Variants in LYPLAL1 observed in about 807,000 individuals in gnomAD.
The protein encoded by LYPLAL1 is lysophospholipase-like protein 1.
Under a neutral mutation model 19.7 loss-of-function variants are expected in LYPLAL1, and 23 were observed. That is an observed-to-expected ratio of 1.17 (90% CI 0.84 to 1.65). The LOEUF is 1.65. Among genes scored for constraint, LYPLAL1 ranks in the 40% most tolerant of loss-of-function variants. The pLI is 0.00. For synonymous variants in LYPLAL1, 119 were observed against 96.3 expected, an observed-to-expected ratio of 1.24 and a Z score of -1.38; for missense variants, 355 against 279.4, an observed-to-expected ratio of 1.27 and a Z score of -1.93.
the LYPLAL1 span, among the ~76,000 whole-genome samples, chr1:219,328,834 T>G: frequency 2.0e-5 from 3 of 152,324 alleles, no homozygotes; most frequent in African/African-American, 7.2e-5. Flanking sequence ...TCCACCATTC[T>G]AAGTTTGAAT....
At chr1:219,297,652 CA>C in the LYPLAL1 span, among the ~76,000 whole-genome samples, 1 of 152,100 alleles carries the variant, frequency 6.6e-6, no homozygotes, top group Non-Finnish European at 1.5e-5. Context: ...GGTATTGATT[CA>C]AAAACATTTT....
chr1:219,366,514 T>G, the LYPLAL1 span, among the ~76,000 whole-genome samples: 1 of 152,236 alleles, frequency 6.6e-6, no homozygotes, highest in South Asian at 2.1e-4. Flanking sequence ...TCCATCTGTC[T>G]TCATTGTCTG....
the LYPLAL1 span, among the ~76,000 whole-genome samples, chr1:219,226,332 T>G: frequency 6.6e-6 from 1 of 152,240 alleles, no homozygotes. Context: ...CCTCTGTTTT[T>G]TGCCTTTGTT....
the LYPLAL1 span, among the ~76,000 whole-genome samples, chr1:219,344,932 GCTT>G: frequency 6.6e-6 from 1 of 151,902 alleles, no homozygotes; most frequent in African/African-American, 2.4e-5. Flanking sequence ...TTCTGAGATG[GCTT>G]CTTAACATCT....
chr1:219,227,433 A>G, the LYPLAL1 span, among the ~76,000 whole-genome samples: 9 of 152,180 alleles, frequency 5.9e-5, no homozygotes, highest in Non-Finnish European at 7.4e-5. Context: ...TCCTACTTAT[A>G]AGTATTAACA....
intron 2 of LYPLAL1, among the ~76,000 whole-genome samples, chr1:219,182,838 C>G (rs952009677): frequency 6.6e-6 from 1 of 151,926 alleles, no homozygotes; most frequent in Non-Finnish European, 1.5e-5. Context: ...AAATGATATT[C>G]AGGGTTTACC....
the LYPLAL1 span, among the ~76,000 whole-genome samples, chr1:219,444,506 A>G: frequency 1.3e-5 from 2 of 152,238 alleles, no homozygotes; most frequent in East Asian, 3.8e-4. Flanking sequence ...GAAGGAAAAA[A>G]ATAAAAGCAA....
the LYPLAL1 span, among the ~76,000 whole-genome samples, chr1:219,221,509 T>C: frequency 6.6e-6 from 1 of 152,180 alleles, no homozygotes. Flanking sequence ...AACTGAAATA[T>C]CAAGTCAAAG....
At chr1:219,429,077 T>A in the LYPLAL1 span, among the ~76,000 whole-genome samples, 1 of 152,192 alleles carries the variant, frequency 6.6e-6, no homozygotes, top group Admixed American at 6.5e-5. Context: ...TGTTGCTTAG[T>A]GGGACTCTTC....
the LYPLAL1 span, among the ~76,000 whole-genome samples, chr1:219,388,271 A>G: frequency 1.3e-5 from 2 of 152,128 alleles, no homozygotes; most frequent in Admixed American, 1.3e-4. Context: ...GAAGAAAATT[A>G]CTATTAAAAA....
chr1:219,181,675 G>A (rs975967073), intron 2 of LYPLAL1, among the ~76,000 whole-genome samples: 9 of 152,104 alleles, frequency 5.9e-5, no homozygotes, highest in South Asian at 2.1e-4. Context: ...TTCCATGGGC[G>A]TTAGATATAG....
chr1:219,444,121 A>G, the LYPLAL1 span, among the ~76,000 whole-genome samples: 3 of 152,156 alleles, frequency 2.0e-5, no homozygotes, highest in Non-Finnish European at 4.4e-5. Flanking sequence ...CTTAAATGAC[A>G]TTATTCAAGG....
chr1:219,332,295 C>T, the LYPLAL1 span, among the ~76,000 whole-genome samples: 2 of 152,204 alleles, frequency 1.3e-5, no homozygotes, highest in East Asian at 1.9e-4. Flanking sequence ...ACCCCAGACA[C>T]GTAACACTAG....
chr1:219,360,686 G>C, the LYPLAL1 span, among the ~76,000 whole-genome samples: 722 of 152,220 alleles, frequency 4.7e-3, 6 homozygotes, highest in Middle Eastern at 0.014. Context: ...GGTAGGAAAG[G>C]GAGATGTAAG....
At chr1:219,411,177 A>G in the LYPLAL1 span, among the ~76,000 whole-genome samples, 1 of 121,896 alleles carries the variant, frequency 8.2e-6, no homozygotes, top group Non-Finnish European at 1.9e-5. Flanking sequence ...TACACCAATC[A>G]GCACCCTGTG....
chr1:219,216,899 G>A (rs1659310401), downstream of LYPLAL1, among the ~76,000 whole-genome samples: 3 of 152,066 alleles, frequency 2.0e-5, no homozygotes, highest in Admixed American at 2.0e-4. Context: ...ACTGTCCTGT[G>A]CTGCCAGAGT....
At chr1:219,191,179 C>T (rs1263380629) in intron 2 of LYPLAL1, among the ~76,000 whole-genome samples, 18 of 151,542 alleles carry the variant, frequency 1.2e-4, no homozygotes, top group Admixed American at 1.1e-3. Flanking sequence ...TAAATTTTTA[C>T]AACTTTTATG....
chr1:219,309,892 G>A, the LYPLAL1 span, among the ~76,000 whole-genome samples: 1 of 152,212 alleles, frequency 6.6e-6, no homozygotes, highest in African/African-American at 2.4e-5. Context: ...TCATGTCAGT[G>A]ACTAGAAGTC....
At chr1:219,338,498 A>G in the LYPLAL1 span, among the ~76,000 whole-genome samples, 1 of 151,940 alleles carries the variant, frequency 6.6e-6, no homozygotes, top group Admixed American at 6.6e-5. Flanking sequence ...TAACTGATAT[A>G]ATATCTAAAC....
Sources: allele counts gnomAD v4.1 joint callset (sites outside exome capture counted in the v4.1 genomes callset), GRCh38; gene constraint gnomAD v4.1.1; transcripts MANE v1.5; gene names NCBI Gene and HGNC (gene_info 2026-07-23, HGNC 2026-07-21).